The following SUFU variants were observed in gnomAD, a reference collection of about 807,000 sequenced individuals.
SUFU encodes suppressor of fused homolog.
Under a neutral mutation model 58.9 loss-of-function variants are expected in SUFU, and 7 were observed. The observed-to-expected ratio is 0.12, with a 90% confidence interval of 0.07 to 0.22. The LOEUF is 0.22. Ranked by LOEUF, SUFU falls within the 10% of genes least tolerant of loss-of-function variation. SUFU has a pLI of 1.00. For synonymous variants in SUFU, 232 were observed against 254.8 expected, an observed-to-expected ratio of 0.91 and a Z score of 0.85; for missense variants, 451 against 641.3, an observed-to-expected ratio of 0.70 and a Z score of 3.20.
intron 2 of SUFU, among the ~76,000 whole-genome samples, chr10:102,537,279 C>T (rs1590004385): frequency 6.6e-6 from 1 of 151,928 alleles, no homozygotes; most frequent in South Asian, 2.1e-4. Context: ...CACAGCTGCA[C>T]ACCACCATGG....
In SUFU at chr10:102,582,685, G is replaced by C. The variant is rs1044398071; in HGVS notation, c.455-9897G>C. ...GTAACTAGCATTTTTGGCGGGGAGG[G>C]GAGAGACTCCTTTTGCTATCCTGGA... On this transcript the variant is annotated intron_variant, in intron 3 of 11. Transcript: ENST00000369902. 5.3e-5 allele frequency among the ~76,000 whole-genome samples: 8 copies of C among 152,164 alleles called. No individual in the cohort carries two copies. The South Asian group carries it at 6.2e-4, about 12-fold the overall frequency.
At chr10:102,524,082 C>G (rs2062580430) in intron 2 of SUFU, among the ~76,000 whole-genome samples, 1 of 152,190 alleles carries the variant, frequency 6.6e-6, no homozygotes, top group Admixed American at 6.5e-5. Context: ...TCAGTTAGGC[C>G]TTCCCTGACC....
intron 3 of SUFU, among the ~76,000 whole-genome samples, chr10:102,580,844 C>T (rs955402985): frequency 2.0e-5 from 3 of 152,040 alleles, no homozygotes; most frequent in African/African-American, 7.3e-5. Flanking sequence ...TCATTTCTGG[C>T]AATAGACTAG....
At chr10:102,602,618 G>T (rs1205005283) in intron 8 of SUFU, among the ~76,000 whole-genome samples, 1 of 152,190 alleles carries the variant, frequency 6.6e-6, no homozygotes, top group African/African-American at 2.4e-5. Flanking sequence ...CTTTCTTCAT[G>T]TGCAGAAACT....
chr10:102,600,353 C>G (rs117680947), intron 8 of SUFU, among the ~76,000 whole-genome samples: 1 of 152,198 alleles, frequency 6.6e-6, no homozygotes, highest in South Asian at 2.1e-4. Flanking sequence ...CCAGGGTGAT[C>G]TAGCCTTCTT....
At chr10:102,598,858 A>C (rs1308216166) in intron 7 of SUFU, among the ~76,000 whole-genome samples, 1 of 152,170 alleles carries the variant, frequency 6.6e-6, no homozygotes, top group Non-Finnish European at 1.5e-5. Context: ...TAATCCCACC[A>C]AGGGAACTCT....
At chr10:102,548,208 T>C (rs1179179562) in intron 2 of SUFU, among the ~76,000 whole-genome samples, 1 of 152,142 alleles carries the variant, frequency 6.6e-6, no homozygotes, top group African/African-American at 2.4e-5. Flanking sequence ...GATACATACA[T>C]ACATAGAGTT....
intron 2 of SUFU, among the ~76,000 whole-genome samples, chr10:102,546,416 A>G (rs1387885651): frequency 6.6e-6 from 1 of 152,210 alleles, no homozygotes; most frequent in East Asian, 1.9e-4. Flanking sequence ...ACCACCAGCC[A>G]GTATTTTAGT....
At chr10:102,613,276 G>A (rs1023106450) in intron 8 of SUFU, among the ~76,000 whole-genome samples, 1 of 152,272 alleles carries the variant, frequency 6.6e-6, no homozygotes, top group African/African-American at 2.4e-5. Flanking sequence ...CAAAGGCGAA[G>A]CCAGGGGAAA....
intron 3 of SUFU, chr10:102,573,361 T>C: frequency 2.5e-6 from 1 of 408,150 alleles, no homozygotes; most frequent in Non-Finnish European, 4.6e-6. Context: ...TGTGAAGAAA[T>C]TGGCACCCTT....
chr10:102,627,287 G>T, intron 11 of SUFU, 44 bp downstream of exon 11: 1 of 1,564,694 alleles, frequency 6.4e-7, no homozygotes, highest in Non-Finnish European at 8.8e-7. Flanking sequence ...CCGTCTCTGG[G>T]ACCATGTGTG....
chr10:102,593,868 C>T (rs1286563675), intron 5 of SUFU, 125 bp from the exon 6 acceptor site: 78 of 1,384,402 alleles, frequency 5.6e-5, no homozygotes, highest in African/African-American at 2.8e-5. Context: ...CACTCCCTGA[C>T]AGTCCCTGAC....
intron 10 of SUFU, among the ~76,000 whole-genome samples, chr10:102,620,816 G>A (rs1042228215): frequency 4.6e-5 from 7 of 152,176 alleles, no homozygotes; most frequent in African/African-American, 1.7e-4. Context: ...CCGGCCCAGA[G>A]CTGAGTTGTT....
chr10:102,617,632 CCTT>C lies in SUFU; in HGVS notation c.1296+207_1296+209del, dbSNP rs1176982624. The C allele has an allele frequency of 3.1e-6, 2 of 649,118 alleles. No individual in the cohort carries two copies. Among genetic ancestry groups the C allele is most frequent in the Non-Finnish European group, 5.5e-6 (2 of 364,968 alleles). The allele number at this position is 649,118 out of a possible 1,614,324, so 40.2% of individuals were successfully genotyped here. ...CCAGCAGCTTAGGAGCACTTCCTGA[CCTT>C]CTCCCCCTGTCACCTGAGACACAAG... On this transcript the variant is annotated intron_variant, in intron 10 of 11. Coordinates refer to ENST00000369902, the MANE Select transcript of SUFU (RefSeq NM_016169.4). This position sits in a 1 kb window ranked among gnomAD's most constrained non-coding sequence, Gnocchi z 4.4.
chr10:102,615,539 T>TC, intron 9 of SUFU, 137 bp downstream of exon 9: 1 of 1,318,446 alleles, frequency 7.6e-7, no homozygotes, highest in South Asian at 1.2e-5. Flanking sequence ...GGCCCGTGCT[T>TC]CCCGTCTCCC....
chr10:102,519,527 C>CCAAA, intron 2 of SUFU, among the ~76,000 whole-genome samples: 1 of 127,412 alleles, frequency 7.8e-6, no homozygotes, highest in East Asian at 2.5e-4. Context: ...AACTCTGTCT[C>CCAAA]AAAAAAAAAA....
At position 102,629,802 on chromosome 10, in the gene SUFU, G is replaced by A. The variant is rs943441130; in HGVS notation, c.1366-264G>A. 6.6e-6 allele frequency among the ~76,000 whole-genome samples: 1 copy of A among 152,190 alleles called. No homozygotes were observed. Among genetic ancestry groups the A allele is most frequent in the African/African-American group, 2.4e-5 (1 of 41,440 alleles). On this transcript the variant is annotated intron_variant, in intron 11 of 11. Coordinates refer to ENST00000369902, the MANE Select transcript of SUFU (RefSeq NM_016169.4). The surrounding 1 kb of genome is among the most constrained non-coding windows in gnomAD (Gnocchi z 4.7). ...AACCAAGGAAGTGAGCAAGAGGGAG[G>A]TCAGCTTAGTGGAGAAAGGAGGAGA...
intron 6 of SUFU, among the ~76,000 whole-genome samples, chr10:102,594,712 A>G (rs2063443325): frequency 6.6e-6 from 1 of 152,086 alleles, no homozygotes; most frequent in Non-Finnish European, 1.5e-5. Flanking sequence ...AAGCCACAAG[A>G]ACGTAACTGC....
At chr10:102,556,145 A>G (rs2062973827) in intron 3 of SUFU, among the ~76,000 whole-genome samples, 1 of 152,176 alleles carries the variant, frequency 6.6e-6, no homozygotes. Flanking sequence ...ATGAAAGGGG[A>G]ACGATGAGGC....
Sources: allele counts gnomAD v4.1 joint callset (sites outside exome capture counted in the v4.1 genomes callset), GRCh38; gene constraint gnomAD v4.1.1; non-coding constraint Gnocchi (gnomAD v3.1); transcripts MANE v1.5; gene names NCBI Gene and HGNC (gene_info 2026-07-23, HGNC 2026-07-21).